Variants in CAPN9 observed in about 807,000 individuals in gnomAD.
CAPN9 encodes the protein calpain-9.
A neutral mutation model predicts 92.8 loss-of-function variants in CAPN9; 81 were observed. The observed-to-expected ratio is 0.87, with a 90% CI of 0.73 to 1.05. The LOEUF (loss-of-function observed/expected upper bound fraction) is 1.05, where lower values mean the gene tolerates loss of function less well. Ranked by LOEUF, CAPN9 falls within the 50% of genes least tolerant of loss-of-function variation. The pLI, the probability that CAPN9 is intolerant of heterozygous loss-of-function variation, is 0.00. For missense variants in CAPN9, 848 were observed against 866.2 expected (o/e 0.98, Z 0.26); for synonymous variants, 304 against 328.0 (o/e 0.93, Z 0.79).
At chr1:230,799,597 T>C (rs1183337909) in intron 19 of CAPN9, among the ~76,000 whole-genome samples, 1 of 152,214 alleles carries the variant, frequency 6.6e-6, no homozygotes, top group East Asian at 1.9e-4. Context: ...TTTGTTATAA[T>C]CACTCCCACA....
intron 2 of CAPN9, among the ~76,000 whole-genome samples, chr1:230,755,712 C>T (rs1224772772): frequency 6.6e-6 from 1 of 152,246 alleles, no homozygotes; most frequent in African/African-American, 2.4e-5. Flanking sequence ...CACCTGCACA[C>T]ATGAACTCAG....
At chr1:230,771,473 G>T (rs530755383) in intron 6 of CAPN9, among the ~76,000 whole-genome samples, 1 of 152,336 alleles carries the variant, frequency 6.6e-6, no homozygotes, top group South Asian at 2.1e-4. Context: ...GAGAATATTG[G>T]GTCTAGAAGA....
chr1:230,765,212 G>GACACACACACAC (rs56286310), intron 4 of CAPN9, among the ~76,000 whole-genome samples: 1,672 of 132,114 alleles, frequency 0.013, 17 homozygotes, highest in Non-Finnish European at 0.017. Context: ...ACACATGCAA[G>GACACACACACAC]ACACACACAC....
At chr1:230,759,199 G>A (rs1665457453) in intron 2 of CAPN9, among the ~76,000 whole-genome samples, 1 of 152,124 alleles carries the variant, frequency 6.6e-6, no homozygotes, top group South Asian at 2.1e-4. Flanking sequence ...ATGCAGTCTT[G>A]GTCCTCTGGA....
intron 18 of CAPN9, among the ~76,000 whole-genome samples, chr1:230,796,812 A>C (rs28359733): frequency 0.2 from 30,962 of 152,088 alleles, 3,242 homozygotes; most frequent in Non-Finnish European, 0.23. Flanking sequence ...TCCTTCCCAG[A>C]ACGGGGGGTG....
chr1:230,754,502 C>T (rs1245490757), intron 1 of CAPN9, among the ~76,000 whole-genome samples: 1 of 151,706 alleles, frequency 6.6e-6, no homozygotes, highest in Non-Finnish European at 1.5e-5. Context: ...TACCTAAGCG[C>T]ATCTCTGTAA....
chr1:230,779,366 T>C (rs1667052774), intron 9 of CAPN9, among the ~76,000 whole-genome samples: 3 of 152,228 alleles, frequency 2.0e-5, no homozygotes. Context: ...GCATGACTCA[T>C]GCCAGTTTAG....
At position 230,772,831 on chromosome 1, in the gene CAPN9, G is replaced by T. The variant is rs28359657; in HGVS notation, c.875+732G>T. On this transcript the variant is annotated intron_variant, in intron 7 of 19. Coordinates refer to ENST00000271971, the MANE Select transcript of CAPN9 (RefSeq NM_006615.3). Reference sequence around the variant, plus strand: ...TACAGAGCTGTTAACCAGAGTTTTGGCCCCCAGTTATCAAGAAAGGTCTGC... The same window carrying T: ...TACAGAGCTGTTAACCAGAGTTTTGTCCCCCAGTTATCAAGAAAGGTCTGC... Among the ~76,000 whole-genome samples the T allele has an allele frequency of 1.1e-3, 167 of 151,288 alleles. 1 individual carries two copies. The highest frequency in any genetic ancestry group is 3.8e-3 in the African/African-American group (158 of 41,200).
chr1:230,785,207 A>C (rs1218744225), intron 11 of CAPN9, among the ~76,000 whole-genome samples: 1 of 152,230 alleles, frequency 6.6e-6, no homozygotes, highest in African/African-American at 2.4e-5. Flanking sequence ...TGACAGGCTC[A>C]TAGGTGATGG....
At chr1:230,768,050 AAAT>A (rs1266836039) in intron 5 of CAPN9, among the ~76,000 whole-genome samples, 13 of 74,820 alleles carry the variant, frequency 1.7e-4, no homozygotes, top group South Asian at 9.8e-4. Context: ...ATAAATAAAT[AAAT>A]AAAAAATAAA....
At chr1:230,759,231 A>G (rs1211470287) in intron 2 of CAPN9, among the ~76,000 whole-genome samples, 1 of 152,214 alleles carries the variant, frequency 6.6e-6, no homozygotes, top group African/African-American at 2.4e-5. Context: ...TGGAATTCAC[A>G]GAGCTGATGC....
intron 1 of CAPN9, among the ~76,000 whole-genome samples, chr1:230,749,556 T>G (rs910427249): frequency 6.6e-5 from 10 of 152,136 alleles, no homozygotes; most frequent in African/African-American, 2.4e-4. Flanking sequence ...GAAATAGAGT[T>G]AGAGAAATTG....
At chr1:230,783,958 A>G (rs958228862) in intron 11 of CAPN9, among the ~76,000 whole-genome samples, 1 of 152,228 alleles carries the variant, frequency 6.6e-6, no homozygotes, top group African/African-American at 2.4e-5. Flanking sequence ...ACTCATTGGG[A>G]ACTGAAGCAA....
intron 11 of CAPN9, among the ~76,000 whole-genome samples, chr1:230,782,379 A>C (rs181097098): frequency 5.9e-5 from 9 of 152,294 alleles, no homozygotes; most frequent in Non-Finnish European, 1.3e-4. Context: ...ATGAGGAGGA[A>C]AGGGAGGACT....
At chr1:230,761,531 G>A (rs1665639593) in intron 3 of CAPN9, among the ~76,000 whole-genome samples, 1 of 149,238 alleles carries the variant, frequency 6.7e-6, no homozygotes, top group Admixed American at 6.6e-5. Flanking sequence ...TCCAGCTGGA[G>A]CAGGTGACAA....
At chr1:230,801,143 C>A (rs1162565874) in intron 19 of CAPN9, among the ~76,000 whole-genome samples, 2 of 152,112 alleles carry the variant, frequency 1.3e-5, no homozygotes, top group African/African-American at 4.8e-5. Flanking sequence ...ACTTGTAACA[C>A]CCCCCAGCTA....
chr1:230,754,639 C>CAA (rs58791351), intron 1 of CAPN9, among the ~76,000 whole-genome samples: 36 of 124,548 alleles, frequency 2.9e-4, no homozygotes, highest in African/African-American at 6.4e-4. Flanking sequence ...CCCATCTCCA[C>CAA]AAAAAAAAAA....
intron 4 of CAPN9, 27 bp from the exon 5 acceptor site, chr1:230,767,514 C>A: frequency 6.3e-7 from 1 of 1,586,284 alleles, no homozygotes; most frequent in Non-Finnish European, 8.6e-7. Context: ...CCCTGACTCT[C>A]TCCTCTCTCT....
chr1:230,770,235 C>G (rs973504491), intron 6 of CAPN9, among the ~76,000 whole-genome samples: 3 of 152,140 alleles, frequency 2.0e-5, no homozygotes, highest in Non-Finnish European at 2.9e-5. Flanking sequence ...GAAGGCCTAG[C>G]CACCAGGAAC....
Sources: allele counts gnomAD v4.1 joint callset (sites outside exome capture counted in the v4.1 genomes callset), GRCh38; gene constraint gnomAD v4.1.1; transcripts MANE v1.5; gene names NCBI Gene and HGNC (gene_info 2026-07-23, HGNC 2026-07-21).